COX7A2L: variants seen among roughly 807,000 people sequenced by gnomAD.
COX7A2L encodes cytochrome c oxidase subunit 7A2 like.
COX7A2L carries 18 observed loss-of-function variants against 14.2 expected under a neutral mutation model. That is an observed-to-expected ratio of 1.27 (90% CI 0.88 to 1.88). The LOEUF (loss-of-function observed/expected upper bound fraction) is 1.88. COX7A2L is among the 40% of genes most tolerant of loss of function. COX7A2L has a pLI of 0.00. For synonymous variants in COX7A2L, 65 were observed against 57.4 expected, an observed-to-expected ratio of 1.13 and a Z score of -0.60; for missense variants, 179 against 138.8, an observed-to-expected ratio of 1.29 and a Z score of -1.46.
chr2:42,361,238 G>GT (rs1238097613), upstream of COX7A2L: 1 of 1,393,162 alleles, frequency 7.2e-7, no homozygotes, highest in African/African-American at 1.4e-5. Flanking sequence ...CCCGGCTGTG[G>GT]TCCCGAGACT....
intron 2 of COX7A2L, 100 bp from the exon 3 acceptor site, chr2:42,351,459 T>C: frequency 7.4e-7 from 1 of 1,353,878 alleles, no homozygotes; most frequent in South Asian, 1.4e-5. Flanking sequence ...AAGTAATTCA[T>C]CAACACATGA....
In COX7A2L at chr2:42,336,681, G is replaced by C. The variant is rs776112359; in HGVS notation, c.193-2812C>G. On this transcript the variant is annotated intron_variant, in intron 2 of 2. Coordinates refer to the COX7A2L transcript ENST00000468711. ...TTAGAAGCAGGGAAACCAGAAGCTG[G>C]AGCCGTCACCGTAGAGCTCTGTTTC... Among the ~76,000 whole-genome samples, 44 of 152,310 alleles carry C rather than the reference G, an allele frequency of 2.9e-4. 1 individual carries two copies. The highest frequency in any genetic ancestry group is 2.1e-4 in the Non-Finnish European group (14 of 68,032).
chr2:42,366,440 A>T (rs1285979720), intron 1 of COX7A2L, among the ~76,000 whole-genome samples: 1 of 152,170 alleles, frequency 6.6e-6, no homozygotes, highest in African/African-American at 2.4e-5. Context: ...ACAAAAACAT[A>T]GGGTGCTCTG....
chr2:42,337,621 G>C (rs970730835), intron 2 of COX7A2L, among the ~76,000 whole-genome samples: 1 of 152,124 alleles, frequency 6.6e-6, no homozygotes, highest in African/African-American at 2.4e-5. Context: ...GGATTACTGT[G>C]TCCTTCCAAT....
chr2:42,335,706 G>A (rs1479080110), intron 2 of COX7A2L, among the ~76,000 whole-genome samples: 1 of 152,248 alleles, frequency 6.6e-6, no homozygotes, highest in Non-Finnish European at 1.5e-5. Flanking sequence ...CGGAGTCCGT[G>A]CAGCCAGCTG....
intron 2 of COX7A2L, among the ~76,000 whole-genome samples, chr2:42,343,854 A>T (rs1670446727): frequency 6.6e-6 from 1 of 152,194 alleles, no homozygotes; most frequent in Non-Finnish European, 1.5e-5. Flanking sequence ...AAAGCAGATA[A>T]ATAAACGAAA....
intron 1 of COX7A2L, among the ~76,000 whole-genome samples, chr2:42,357,399 C>T (rs1670856792): frequency 6.6e-6 from 1 of 152,194 alleles, no homozygotes. Flanking sequence ...GCCTCAATCT[C>T]CTAGGCTCAA....
intron 2 of COX7A2L, among the ~76,000 whole-genome samples, chr2:42,336,385 C>T (rs1057033451): frequency 1.3e-5 from 2 of 152,114 alleles, no homozygotes; most frequent in South Asian, 2.1e-4. Context: ...TTCCAGAGGC[C>T]GACATCAACT....
At chr2:42,348,423 C>A (rs750616536), downstream of COX7A2L, among the ~76,000 whole-genome samples, 1 of 152,148 alleles carries the variant, frequency 6.6e-6, no homozygotes, top group East Asian at 1.9e-4. Context: ...AAACTGGTAT[C>A]AAGTGCCACC....
intron 2 of COX7A2L, among the ~76,000 whole-genome samples, chr2:42,336,384 C>A (rs528674906): frequency 1.3e-5 from 2 of 152,160 alleles, no homozygotes; most frequent in African/African-American, 4.8e-5. Context: ...ATTCCAGAGG[C>A]CGACATCAAC....
intron 1 of COX7A2L, among the ~76,000 whole-genome samples, chr2:42,355,620 C>T (rs1409440653): frequency 7.4e-6 from 1 of 135,470 alleles, no homozygotes. Flanking sequence ...CCTATAATCT[C>T]ATTATCTCAT....
chr2:42,363,820 G>C (rs1671106812), upstream of COX7A2L, among the ~76,000 whole-genome samples: 1 of 152,306 alleles, frequency 6.6e-6, no homozygotes, highest in East Asian at 1.9e-4. Flanking sequence ...TCAGAGTAGA[G>C]AAGCTTGCCA....
At chr2:42,361,706 T>C (rs1671060668), upstream of COX7A2L, 1 of 152,714 alleles carries the variant, frequency 6.5e-6, no homozygotes, top group Admixed American at 6.5e-5. Flanking sequence ...GTTGAAGGCG[T>C]CTCTTGCTTT....
chr2:42,354,283 G>A (rs981446152), intron 1 of COX7A2L, among the ~76,000 whole-genome samples: 4 of 152,048 alleles, frequency 2.6e-5, no homozygotes, highest in Admixed American at 2.6e-4. Context: ...AAAAAGGTGG[G>A]GGGGATCTCT....
At chr2:42,353,136 A>T in intron 2 of COX7A2L, 76 bp downstream of exon 2, 1 of 1,521,698 alleles carries the variant, frequency 6.6e-7, no homozygotes, top group Non-Finnish European at 8.9e-7. Flanking sequence ...AAACTAGATT[A>T]AGATTTAGTT....
upstream of COX7A2L, chr2:42,361,740 C>T (rs1671061723): frequency 6.6e-6 from 1 of 152,538 alleles, no homozygotes. Flanking sequence ...TGATCGTAGT[C>T]TCATTTATTT....
intron 1 of COX7A2L, among the ~76,000 whole-genome samples, chr2:42,358,413 TTA>T (rs1211621387): frequency 1.3e-5 from 2 of 152,234 alleles, no homozygotes; most frequent in African/African-American, 2.4e-5. Context: ...CTTTTCCATA[TTA>T]TGTTATTTAG....
At chr2:42,353,831 C>CA (rs1317181704) in intron 1 of COX7A2L, among the ~76,000 whole-genome samples, 2 of 152,068 alleles carry the variant, frequency 1.3e-5, no homozygotes, top group Non-Finnish European at 2.9e-5. Context: ...AAAATCAAAA[C>CA]AAAAAACTTT....
upstream of COX7A2L, among the ~76,000 whole-genome samples, chr2:42,365,338 C>T (rs867698521): frequency 6.6e-6 from 1 of 152,104 alleles, no homozygotes; most frequent in African/African-American, 2.4e-5. Context: ...CACAGAAATA[C>T]AAAGTCGGTT....
Sources: allele counts gnomAD v4.1 joint callset (sites outside exome capture counted in the v4.1 genomes callset), GRCh38; gene constraint gnomAD v4.1.1; transcripts MANE v1.5; gene names NCBI Gene and HGNC (gene_info 2026-07-23, HGNC 2026-07-21).